The following DNAI1 variants were observed in gnomAD, a reference collection of about 807,000 sequenced individuals.
DNAI1 encodes dynein axonemal intermediate chain 1.
A neutral mutation model predicts 92.0 loss-of-function variants in DNAI1; 67 were observed. The ratio of observed to expected loss-of-function variants is 0.73; its 90% CI spans 0.60 to 0.89. The LOEUF (loss-of-function observed/expected upper bound fraction) is 0.89. Among genes scored for constraint, DNAI1 ranks in the 40% least tolerant of loss-of-function variants. The pLI is 0.00. For synonymous variants in DNAI1, 323 were observed against 319.6 expected (o/e 1.01, Z -0.11); for missense variants, 839 against 866.6 (o/e 0.97, Z 0.40).
intron 1 of DNAI1, among the ~76,000 whole-genome samples, chr9:34,476,010 T>G (rs533613227): frequency 6.6e-6 from 1 of 152,292 alleles, no homozygotes; most frequent in African/African-American, 2.4e-5. Context: ...TCTCTTACAT[T>G]GACAGAATTT....
chr9:34,478,779 A>C (rs955840315), intron 1 of DNAI1: 2 of 152,286 alleles, frequency 1.3e-5, no homozygotes, highest in African/African-American at 4.8e-5. Flanking sequence ...AGAGAAGAGG[A>C]CCTTCTTTGG....
intron 1 of DNAI1, among the ~76,000 whole-genome samples, chr9:34,481,243 A>G (rs1414625773): frequency 6.6e-6 from 1 of 152,274 alleles, no homozygotes; most frequent in African/African-American, 2.4e-5. Context: ...ACTCTGTCTC[A>G]AAATAGTAAT....
intron 12 of DNAI1, among the ~76,000 whole-genome samples, chr9:34,501,778 G>T (rs1587080751): frequency 6.6e-6 from 1 of 152,098 alleles, no homozygotes; most frequent in East Asian, 1.9e-4. Context: ...GTGGGTGGGG[G>T]CATGGGGGAT....
rs189042387 is a variant in DNAI1, at chr9:34,484,996, T to C, written c.82-146T>C. On this transcript the variant is annotated intron_variant, in intron 2 of 19. Transcript: ENST00000242317. ...GGCCTGAGCAGTTCTTTTGGACTCT[T>C]TCATGAGTGGTATGTTATACATTTT... The C allele has an allele frequency of 4.7e-4, 372 of 790,480 alleles. 2 individuals carry two copies. In the African/African-American group the frequency reaches 5.8e-3, roughly 12 times the overall value. 49.0% of individuals were successfully genotyped at this position (790,480 alleles called of 1,614,324 possible). A position where few individuals can be genotyped will look rare whatever the true frequency, so the allele number is the denominator to read the frequency against.
At chr9:34,516,924 A>G (rs1825180394) in intron 18 of DNAI1, among the ~76,000 whole-genome samples, 1 of 151,788 alleles carries the variant, frequency 6.6e-6, no homozygotes, top group Admixed American at 6.6e-5. Context: ...TATTTTTGGT[A>G]GAGACAGGGT....
intron 9 of DNAI1, among the ~76,000 whole-genome samples, 200 bp downstream of exon 9, chr9:34,493,528 G>T (rs1018471247): frequency 6.6e-6 from 1 of 152,142 alleles, no homozygotes; most frequent in Admixed American, 6.5e-5. Context: ...CCTCCCCCCA[G>T]TAAGATAGAT....
At chr9:34,484,276 T>C (rs1221684922) in intron 2 of DNAI1, among the ~76,000 whole-genome samples, 2 of 152,224 alleles carry the variant, frequency 1.3e-5, no homozygotes, top group Non-Finnish European at 2.9e-5. Context: ...TTATAAATCC[T>C]CTAACATCAG....
intron 9 of DNAI1, among the ~76,000 whole-genome samples, chr9:34,494,054 A>C (rs1408604546): frequency 6.6e-6 from 1 of 152,092 alleles, no homozygotes; most frequent in African/African-American, 2.4e-5. Flanking sequence ...TGGATCAGGA[A>C]CCAGAGTCCC....
Position 34,512,092 on chromosome 9 carries a change from ATTTTGGGATGTT to A in DNAI1, c.1312-15_1312-4del. The A allele has an allele frequency of 6.2e-7, 1 of 1,612,952 alleles. No individual in the cohort carries two copies. Among genetic ancestry groups the A allele is most frequent in the Non-Finnish European group, 8.5e-7 (1 of 1,178,968 alleles). ...ACTTTAGCAGGGTCCCAGAGCTCACATTTTGGGATGTTTCAGGTCAAGTGGCAGAAGGATGAC... is the reference window on the plus strand; with the variant it reads ...ACTTTAGCAGGGTCCCAGAGCTCACATCAGGTCAAGTGGCAGAAGGATGAC... On this transcript the variant is annotated splice_polypyrimidine_tract_variant and splice_region_variant and intron_variant, in intron 13 of 19. Transcript: ENST00000242317.
chr9:34,478,931 G>A (rs1361539297), intron 1 of DNAI1: 1 of 152,296 alleles, frequency 6.6e-6, no homozygotes, highest in Non-Finnish European at 1.5e-5. Context: ...ACTTGTGATG[G>A]AAGGTGGAGG....
chr9:34,480,933 A>C (rs950916086), intron 1 of DNAI1, among the ~76,000 whole-genome samples: 2 of 147,024 alleles, frequency 1.4e-5, no homozygotes, highest in African/African-American at 5.0e-5. Context: ...GCAACAGAGT[A>C]AGACTATCTC....
intron 18 of DNAI1, among the ~76,000 whole-genome samples, 167 bp from the exon 19 acceptor site, chr9:34,517,118 T>C (rs183057337): frequency 6.2e-4 from 94 of 152,146 alleles, no homozygotes; most frequent in Non-Finnish European, 8.7e-4. Flanking sequence ...CTTTCAACCA[T>C]AGGAAAAACA....
intron 13 of DNAI1, among the ~76,000 whole-genome samples, chr9:34,511,242 T>TG (rs1825059436): frequency 6.6e-6 from 1 of 152,224 alleles, no homozygotes; most frequent in Admixed American, 6.5e-5. Flanking sequence ...AACAGAAACT[T>TG]GAGTCTCAAG....
At chr9:34,518,431 C>A (rs1177045786) in intron 19 of DNAI1, among the ~76,000 whole-genome samples, 6 of 152,156 alleles carry the variant, frequency 3.9e-5, no homozygotes, top group Non-Finnish European at 7.3e-5. Flanking sequence ...GTGTGGCTGG[C>A]CCTGTAATTG....
chr9:34,483,803 A>G (rs1255392466), intron 2 of DNAI1, among the ~76,000 whole-genome samples: 3 of 152,220 alleles, frequency 2.0e-5, no homozygotes, highest in East Asian at 1.9e-4. Flanking sequence ...AGTGCCTTCC[A>G]TTGCTAATAA....
intron 1 of DNAI1, among the ~76,000 whole-genome samples, chr9:34,468,590 A>T (rs923439715): frequency 6.6e-6 from 1 of 151,784 alleles, no homozygotes; most frequent in Non-Finnish European, 1.5e-5. Context: ...CTTTGGGAGG[A>T]TGAGACGGGA....
intron 1 of DNAI1, among the ~76,000 whole-genome samples, chr9:34,460,724 G>C (rs1484198605): frequency 6.6e-6 from 1 of 152,110 alleles, no homozygotes; most frequent in Non-Finnish European, 1.5e-5. Flanking sequence ...GTGCAGTGGC[G>C]CAATCTAGGT....
intron 17 of DNAI1, 38 bp downstream of exon 17, chr9:34,514,580 C>T (rs200765049): frequency 7.4e-5 from 120 of 1,614,102 alleles, no homozygotes; most frequent in Middle Eastern, 3.3e-4. Context: ...GGGGCCCTCC[C>T]CTGGGCTATG....
At chr9:34,475,226 G>A (rs1824215578) in intron 1 of DNAI1, among the ~76,000 whole-genome samples, 1 of 152,160 alleles carries the variant, frequency 6.6e-6, no homozygotes, top group Admixed American at 6.5e-5. Flanking sequence ...AAGCTGGTGA[G>A]GTATTTAGTT....
Sources: gnomAD v4.1 joint callset for allele counts (sites outside exome capture counted in the v4.1 genomes callset) on GRCh38, gnomAD v4.1.1 for gene constraint, MANE v1.5 for transcripts, NCBI Gene and HGNC (gene_info 2026-07-23, HGNC 2026-07-21) for gene names.